Variants in SH3PXD2A observed in about 807,000 individuals in gnomAD.
SH3PXD2A encodes SH3 and PX domains 2A, also known as SH3 and PX domain-containing protein 2A.
In SH3PXD2A, 32 loss-of-function variants were observed where a neutral mutation model predicts 115.2. The observed-to-expected ratio is 0.28, with a 90% confidence interval of 0.21 to 0.37. The LOEUF (loss-of-function observed/expected upper bound fraction) is 0.37, where lower values mean the gene tolerates loss of function less well. Among genes scored for constraint, SH3PXD2A ranks in the 10% least tolerant of loss-of-function variants. The pLI is 1.00. For missense variants in SH3PXD2A, 1,328 were observed against 1,498.7 expected (o/e 0.89, Z 1.88); for synonymous variants, 610 against 629.1 (o/e 0.97, Z 0.45).
intron 13 of SH3PXD2A, among the ~76,000 whole-genome samples, chr10:103,606,177 TATCATCATCATCATCATC>T (rs56654395): frequency 2.5e-4 from 36 of 142,824 alleles, no homozygotes; most frequent in South Asian, 1.9e-3. Context: ...TTACTATTAC[TATCATCATCATCATCATC>T]ATCATCATCA....
chr10:103,734,369 T>C (rs2038356359), intron 4 of SH3PXD2A, among the ~76,000 whole-genome samples: 2 of 152,230 alleles, frequency 1.3e-5, no homozygotes, highest in South Asian at 4.1e-4. Flanking sequence ...GTGTTTGCTT[T>C]ATTTGCTTGT....
intron 3 of SH3PXD2A, among the ~76,000 whole-genome samples, chr10:103,751,143 G>C (rs1390071025): frequency 6.6e-6 from 1 of 152,226 alleles, no homozygotes; most frequent in East Asian, 1.9e-4. Context: ...TAGTAGGTAA[G>C]ATTAATATTC....
intron 8 of SH3PXD2A, among the ~76,000 whole-genome samples, chr10:103,631,521 CAG>C (rs2036779256): frequency 6.6e-6 from 1 of 152,126 alleles, no homozygotes; most frequent in South Asian, 2.1e-4. Context: ...ATCATTTGAA[CAG>C]AGACAGTCCT....
chr10:103,698,379 A>G (rs1493174), intron 5 of SH3PXD2A, among the ~76,000 whole-genome samples: 3,979 of 152,320 alleles, frequency 0.026, 163 homozygotes, highest in African/African-American at 0.09. Context: ...ACACACACAC[A>G]AACTTCCAGC....
At chr10:103,770,682 A>G (rs1042239446) in intron 2 of SH3PXD2A, among the ~76,000 whole-genome samples, 1 of 151,570 alleles carries the variant, frequency 6.6e-6, no homozygotes, top group African/African-American at 2.4e-5. Flanking sequence ...CTGTGCTTCC[A>G]TTTTCCGTGG....
Position 103,605,862 on chromosome 10 carries a change from G to C in SH3PXD2A, c.1364C>G (p.Thr455Ser), listed in dbSNP as rs2036292411. ...EPPSVEVEYYTIAEFQSCISD... is the reference protein window; with the variant it reads ...EPPSVEVEYYSIAEFQSCISD... ...AATGCACGACTGGAATTCGGCAATG[G>C]TGTAGTACTCCACCTCAACAGAAGG... Residue 455 changes from threonine to serine, a missense_variant, in exon 14 of 15, where the codon ACC becomes AGC. By Grantham distance (58) the Thr-to-Ser change is moderately conservative. Coordinates refer to ENST00000369774, the MANE Select transcript of SH3PXD2A (RefSeq NM_001394015.1). 1 of 1,612,926 alleles carries C rather than the reference G, an allele frequency of 6.2e-7. No individual in the cohort carries two copies. The highest frequency in any genetic ancestry group is 1.1e-5 in the South Asian group (1 of 91,062).
intron 13 of SH3PXD2A, among the ~76,000 whole-genome samples, chr10:103,608,150 T>TTTACA (rs2036356171): frequency 3.1e-5 from 1 of 32,660 alleles, no homozygotes; most frequent in Non-Finnish European, 4.5e-5. Context: ...ATGATCAATT[T>TTTACA]AAAAAAAAAA....
chr10:103,682,556 G>T (rs1397231445), intron 6 of SH3PXD2A, among the ~76,000 whole-genome samples: 3 of 152,230 alleles, frequency 2.0e-5, no homozygotes, highest in African/African-American at 7.2e-5. Context: ...AGGAGTTCAA[G>T]ACCAGCTTGG....
chr10:103,702,611 G>GTGTGTGTGTGTGTGCA (rs2037932244), intron 5 of SH3PXD2A, among the ~76,000 whole-genome samples: 1 of 151,990 alleles, frequency 6.6e-6, no homozygotes, highest in South Asian at 2.1e-4. Flanking sequence ...GTGTGTGTGT[G>GTGTGTGTGTGTGTGCA]TGCATGCTGG....
chr10:103,737,983 G>C (rs2038398899), intron 3 of SH3PXD2A, among the ~76,000 whole-genome samples: 1 of 152,190 alleles, frequency 6.6e-6, no homozygotes, highest in Non-Finnish European at 1.5e-5. Context: ...CACCCCTCCT[G>C]TCTGCCCCCA....
intron 8 of SH3PXD2A, among the ~76,000 whole-genome samples, chr10:103,636,137 G>A (rs1170166032): frequency 2.0e-5 from 3 of 152,130 alleles, no homozygotes; most frequent in Admixed American, 6.5e-5. Context: ...AGCTGGGCGC[G>A]GTGGCTCAGG....
Position 103,664,967 on chromosome 10 carries a change from C to G in SH3PXD2A, c.472+3641G>C, listed in dbSNP as rs1221723515. Among the ~76,000 whole-genome samples the G allele has an allele frequency of 3.9e-5, 6 of 152,298 alleles. No homozygotes were observed. The East Asian group carries it at 9.6e-4, about 24-fold the overall frequency. ...GGATTATAGGCATAAGCCACCACGCCTGGCCTAGAGTATGGGTTTCTAGTT... is the reference window on the plus strand; with the variant it reads ...GGATTATAGGCATAAGCCACCACGCGTGGCCTAGAGTATGGGTTTCTAGTT... On this transcript the variant is annotated intron_variant, in intron 7 of 14. Transcript: ENST00000369774.
At chr10:103,718,770 C>A (rs911105147) in intron 5 of SH3PXD2A, among the ~76,000 whole-genome samples, 7 of 150,200 alleles carry the variant, frequency 4.7e-5, no homozygotes, top group African/African-American at 1.7e-4. Flanking sequence ...GACACACACA[C>A]ACACACACAC....
At chr10:103,829,633 C>A (rs562333915) in intron 1 of SH3PXD2A, among the ~76,000 whole-genome samples, 4 of 152,178 alleles carry the variant, frequency 2.6e-5, no homozygotes, top group African/African-American at 9.6e-5. Context: ...GCAGAAAGAC[C>A]GTGATGCCGC....
Position 103,855,223 on chromosome 10 carries a change from T to C in SH3PXD2A, c.44A>G (p.Glu15Gly). Residue 15 changes from glutamate (E) to glycine (G), a missense_variant, in exon 1 of 15, where the codon GAG (glutamate) becomes GGG (glycine). Glu to Gly is a moderately conservative substitution (Grantham distance 98). This residue lies in a region of SH3PXD2A where 110 missense variants were observed against 160.0 expected (regional missense o/e 0.69). Transcript: ENST00000369774. ...CVQDATVVDVEKRRNPSKHYV... is the reference protein window; with the variant it reads ...CVQDATVVDVGKRRNPSKHYV... ...GTGCTTGGAGGGGTTCCTCCGCTTC[T>C]CCACGTCCACCACGGTGGCATCCTG... 1 of 1,538,462 alleles carries C rather than the reference T, an allele frequency of 6.5e-7. No homozygotes were observed. The highest frequency in any genetic ancestry group is 1.2e-5 in the South Asian group (1 of 82,596).
chr10:103,682,495 T>C (rs1453526639), intron 6 of SH3PXD2A, among the ~76,000 whole-genome samples: 1 of 152,190 alleles, frequency 6.6e-6, no homozygotes, highest in South Asian at 2.1e-4. Flanking sequence ...CGGTGGCTCA[T>C]GCCTGTAATC....
At chr10:103,733,491 A>T (rs1441106417) in intron 4 of SH3PXD2A, among the ~76,000 whole-genome samples, 1 of 152,248 alleles carries the variant, frequency 6.6e-6, no homozygotes, top group African/African-American at 2.4e-5. Flanking sequence ...GAGAAATAAA[A>T]GCTCAGGCTA....
Position 103,601,932 on chromosome 10 carries a change from C to A in SH3PXD2A, c.3286G>T (p.Val1096Leu), listed in dbSNP as rs980387372. The change falls in exon 15 of 15, where the codon GTG (valine) becomes TTG (leucine). Residue 1096 changes from valine to leucine, a missense_variant. Coordinates refer to ENST00000369774, the MANE Select transcript of SH3PXD2A (RefSeq NM_001394015.1). ...TTCCTCTCCAGAACCTCCATGGACA[C>A]CCCCTCCTGGAAGCCTGCTGTCTCC... Reference protein sequence around the residue: ...DEETAGFQEGVSMEVLERNPN... With the variant: ...DEETAGFQEGLSMEVLERNPN... 1 of 1,613,962 alleles carries A rather than the reference C, an allele frequency of 6.2e-7. No individual in the cohort carries two copies. The highest frequency in any genetic ancestry group is 8.5e-7 in the Non-Finnish European group (1 of 1,179,864).
At chr10:103,706,807 C>G (rs1157869760) in intron 5 of SH3PXD2A, among the ~76,000 whole-genome samples, 1 of 152,164 alleles carries the variant, frequency 6.6e-6, no homozygotes, top group Admixed American at 6.5e-5. Context: ...CTCCTTTCCC[C>G]CCCGAGTAGA....
Sources: gnomAD v4.1 joint callset for allele counts (sites outside exome capture counted in the v4.1 genomes callset) on GRCh38, gnomAD v4.1.1 for gene constraint, gnomAD v4.1.1 regional missense constraint, MANE v1.5 for transcripts, NCBI Gene and HGNC (gene_info 2026-07-23, HGNC 2026-07-21) for gene names.